The following RPH3A variants were observed in gnomAD, a reference collection of about 807,000 sequenced individuals.
RPH3A encodes the protein rabphilin-3A.
In RPH3A, 48 loss-of-function variants were observed where a neutral mutation model predicts 102.2. That is an observed-to-expected ratio of 0.47 (90% CI 0.37 to 0.60). RPH3A has a LOEUF of 0.60. Ranked by LOEUF, RPH3A falls within the 20% of genes least tolerant of loss-of-function variation. The probability of loss-of-function intolerance (pLI) is 0.00; values close to 1 mark genes in which losing one functional copy is unlikely to be tolerated. For synonymous variants in RPH3A, 310 were observed against 324.3 expected, an observed-to-expected ratio of 0.96 and a Z score of 0.47; for missense variants, 781 against 910.1, an observed-to-expected ratio of 0.86 and a Z score of 1.83.
chr12:112,682,730 G>A (rs757452240), intron 1 of RPH3A, among the ~76,000 whole-genome samples: 1 of 152,128 alleles, frequency 6.6e-6, no homozygotes. Flanking sequence ...ACACACATGC[G>A]TTGGCAGTAA....
intron 1 of RPH3A, among the ~76,000 whole-genome samples, chr12:112,770,628 T>A (rs1364257901): frequency 6.6e-6 from 1 of 152,170 alleles, no homozygotes; most frequent in Non-Finnish European, 1.5e-5. Flanking sequence ...GCTAGGCTCA[T>A]GCCTGGCAAT....
chr12:112,751,269 T>C (rs190420367), intron 1 of RPH3A, among the ~76,000 whole-genome samples: 1 of 152,330 alleles, frequency 6.6e-6, no homozygotes, highest in East Asian at 1.9e-4. Context: ...AATGAAATGA[T>C]GGAACTATCC....
chr12:112,819,502 C>A (rs1375914790), intron 2 of RPH3A, among the ~76,000 whole-genome samples: 1 of 152,210 alleles, frequency 6.6e-6, no homozygotes, highest in Non-Finnish European at 1.5e-5. Context: ...GATCCCAGTG[C>A]TCTGGGTCTG....
At chr12:112,624,413 GA>G (rs2039756684) in intron 1 of RPH3A, among the ~76,000 whole-genome samples, 1 of 147,714 alleles carries the variant, frequency 6.8e-6, no homozygotes, top group African/African-American at 2.5e-5. Flanking sequence ...TACCATCAGA[GA>G]ATACTACAAA....
chr12:112,712,017 A>G (rs1182927482), intron 1 of RPH3A, among the ~76,000 whole-genome samples: 1 of 152,040 alleles, frequency 6.6e-6, no homozygotes, highest in Non-Finnish European at 1.5e-5. Context: ...TTTTTAGTAG[A>G]GATGGGGTTT....
intron 1 of RPH3A, among the ~76,000 whole-genome samples, chr12:112,710,223 G>A (rs905924736): frequency 6.6e-6 from 1 of 152,154 alleles, no homozygotes; most frequent in Non-Finnish European, 1.5e-5. Flanking sequence ...TGATCCGCCT[G>A]TCTCGGCCTC....
At chr12:112,866,693 C>T in intron 6 of RPH3A, 64 bp from the exon 7 acceptor site, 1 of 1,348,918 alleles carries the variant, frequency 7.4e-7, no homozygotes, top group Non-Finnish European at 1.0e-6. Flanking sequence ...AAGTGGGGGG[C>T]TACGTTGCCA....
chr12:112,745,740 G>A (rs2040740953), intron 1 of RPH3A, among the ~76,000 whole-genome samples: 1 of 152,214 alleles, frequency 6.6e-6, no homozygotes, highest in South Asian at 2.1e-4. Flanking sequence ...CCCTAAGGAG[G>A]AGGGAGAGGA....
intron 1 of RPH3A, among the ~76,000 whole-genome samples, chr12:112,690,674 G>A (rs1348964756): frequency 1.3e-5 from 2 of 152,188 alleles, no homozygotes; most frequent in East Asian, 1.9e-4. Flanking sequence ...ATCAATGTCC[G>A]TTGGAATTGG....
At chr12:112,774,865 A>C (rs1235808844) in intron 1 of RPH3A, among the ~76,000 whole-genome samples, 1 of 152,204 alleles carries the variant, frequency 6.6e-6, no homozygotes, top group African/African-American at 2.4e-5. Context: ...GCTGGGCTTA[A>C]TATCTAGGTG....
At chr12:112,786,860 T>A (rs1314283438), upstream of RPH3A, among the ~76,000 whole-genome samples, 2 of 152,180 alleles carry the variant, frequency 1.3e-5, no homozygotes, top group Non-Finnish European at 2.9e-5. Flanking sequence ...TTAATTATCT[T>A]ACAGTCCTGG....
chr12:112,679,345 G>A (rs1321793858), intron 1 of RPH3A, among the ~76,000 whole-genome samples: 1 of 152,040 alleles, frequency 6.6e-6, no homozygotes, highest in Non-Finnish European at 1.5e-5. Flanking sequence ...AGTAGAGATG[G>A]GGTTTCACCA....
chr12:112,774,062 G>GAAAAAAAAAAAAAA (rs2040946570), intron 1 of RPH3A, among the ~76,000 whole-genome samples: 1 of 35,298 alleles, frequency 2.8e-5, no homozygotes, highest in Admixed American at 2.8e-4. Context: ...TCCAGCCTGG[G>GAAAAAAAAAAAAAA]CAAAAAAAAA....
At chr12:112,758,943 A>G (rs1015285741) in intron 1 of RPH3A, among the ~76,000 whole-genome samples, 4 of 152,196 alleles carry the variant, frequency 2.6e-5, no homozygotes, top group Admixed American at 6.5e-5. Flanking sequence ...CTGGTCATGA[A>G]TAAATCCTCT....
intron 1 of RPH3A, among the ~76,000 whole-genome samples, chr12:112,773,604 G>C (rs1592991404): frequency 6.6e-6 from 1 of 151,820 alleles, no homozygotes; most frequent in South Asian, 2.1e-4. Context: ...CAGAGGGTAG[G>C]GGTGTATTTT....
chr12:112,631,917 C>T lies in RPH3A; in HGVS notation c.-140+56598C>T, dbSNP rs1258595576. ...TCTTGGCTTTTTAGTGTATCTGTTGCTTGAATAATATGCATTGTGCCTGAT... is the reference window on the plus strand; with the variant it reads ...TCTTGGCTTTTTAGTGTATCTGTTGTTTGAATAATATGCATTGTGCCTGAT... On this transcript the variant is annotated intron_variant, in intron 1 of 21. Transcript: ENST00000543106. 2.6e-5 allele frequency among the ~76,000 whole-genome samples: 4 copies of T among 152,132 alleles called. No individual in the cohort carries two copies. In the East Asian group the frequency reaches 7.7e-4, roughly 29 times the overall value.
chr12:112,745,589 T>C (rs2040740115), intron 1 of RPH3A, among the ~76,000 whole-genome samples: 1 of 152,192 alleles, frequency 6.6e-6, no homozygotes, highest in Non-Finnish European at 1.5e-5. Flanking sequence ...TTCCCTCTGG[T>C]TGTTTTTGCC....
chr12:112,885,745 C>T (rs996686462), intron 16 of RPH3A, among the ~76,000 whole-genome samples: 1 of 151,938 alleles, frequency 6.6e-6, no homozygotes, highest in Non-Finnish European at 1.5e-5. Context: ...AAGCATTTAT[C>T]CCTGTGTTAT....
chr12:112,669,880 A>G (rs1042389892), intron 1 of RPH3A, among the ~76,000 whole-genome samples: 6 of 152,194 alleles, frequency 3.9e-5, no homozygotes, highest in Non-Finnish European at 7.3e-5. Context: ...AATGACTACA[A>G]CAGCAATTGA....
Sources: allele counts gnomAD v4.1 joint callset (sites outside exome capture counted in the v4.1 genomes callset), GRCh38; gene constraint gnomAD v4.1.1; transcripts MANE v1.5; gene names NCBI Gene and HGNC (gene_info 2026-07-23, HGNC 2026-07-21).